The following CTNNA2 variants were observed in gnomAD, a reference collection of about 807,000 sequenced individuals.
CTNNA2 encodes the protein catenin alpha-2.
In CTNNA2, 42 loss-of-function variants were observed where a neutral mutation model predicts 101.0. The observed-to-expected ratio is 0.42, with a 90% CI of 0.32 to 0.54. The LOEUF (loss-of-function observed/expected upper bound fraction) is 0.54, where lower values mean the gene tolerates loss of function less well. Among genes scored for constraint, CTNNA2 ranks in the 20% least tolerant of loss-of-function variants. The pLI is 0.14. For synonymous variants in CTNNA2, 450 were observed against 456.4 expected (o/e 0.99, Z 0.18); for missense variants, 871 against 1,223.1 (o/e 0.71, Z 4.29).
At chr2:79,345,844 C>T (rs1350024855) in intron 3 of CTNNA2, among the ~76,000 whole-genome samples, 1 of 149,542 alleles carries the variant, frequency 6.7e-6, no homozygotes, top group Non-Finnish European at 1.5e-5. Context: ...AGGCGCCAGC[C>T]ATCACGCCCG....
At chr2:80,543,685 C>G (rs148061095) in intron 9 of CTNNA2, among the ~76,000 whole-genome samples, 3 of 152,266 alleles carry the variant, frequency 2.0e-5, no homozygotes, top group African/African-American at 7.2e-5. Context: ...TTCCTGATCT[C>G]CAGGCCTGTA....
intron 7 of CTNNA2, among the ~76,000 whole-genome samples, chr2:79,996,158 A>G (rs1322531273): frequency 6.6e-6 from 1 of 152,166 alleles, no homozygotes; most frequent in African/African-American, 2.4e-5. Context: ...ATAAACCTTA[A>G]AATGTTATTT....
intron 3 of CTNNA2, among the ~76,000 whole-genome samples, chr2:79,770,091 T>C (rs1043757170): frequency 3.9e-5 from 6 of 152,164 alleles, no homozygotes; most frequent in African/African-American, 1.4e-4. Flanking sequence ...TGGAGGCATT[T>C]TTGGTTGTCA....
chr2:79,945,071 C>T (rs1574376377), intron 7 of CTNNA2, among the ~76,000 whole-genome samples: 1 of 152,256 alleles, frequency 6.6e-6, no homozygotes, highest in Non-Finnish European at 1.5e-5. Flanking sequence ...GAGACAGGGT[C>T]TCATTCTGTC....
At chr2:79,747,574 A>G (rs1197086579) in intron 3 of CTNNA2, among the ~76,000 whole-genome samples, 1 of 152,308 alleles carries the variant, frequency 6.6e-6, no homozygotes, top group African/African-American at 2.4e-5. Context: ...AAACCTCTTA[A>G]GAATTCTTTT....
chr2:80,540,668 A>C (rs2149616913), intron 9 of CTNNA2, among the ~76,000 whole-genome samples: 1 of 151,088 alleles, frequency 6.6e-6, no homozygotes, highest in Middle Eastern at 3.5e-3. Flanking sequence ...TTTGAGGTTG[A>C]GGTGTTAGCT....
intron 7 of CTNNA2, among the ~76,000 whole-genome samples, chr2:80,250,182 GGAGAGAGAGAGA>G (rs67176913): frequency 7.0e-6 from 1 of 142,038 alleles, no homozygotes; most frequent in African/African-American, 2.7e-5. Flanking sequence ...ATGGATGGGG[GGAGAGAGAGAGA>G]GAGAGAGAGA....
At chr2:79,758,309 A>T (rs1672535419) in intron 3 of CTNNA2, among the ~76,000 whole-genome samples, 1 of 152,178 alleles carries the variant, frequency 6.6e-6, no homozygotes, top group Admixed American at 6.5e-5. Flanking sequence ...TGATTCACTG[A>T]TGTGTTCTAA....
At chr2:79,399,272 T>G (rs2104479173) in intron 4 of CTNNA2, among the ~76,000 whole-genome samples, 1 of 152,222 alleles carries the variant, frequency 6.6e-6, no homozygotes, top group East Asian at 1.9e-4. Flanking sequence ...TTTGCAAAGC[T>G]TTCACATATT....
At position 80,100,569 on chromosome 2, in the gene CTNNA2, T is replaced by C. The variant is rs1290115704; in HGVS notation, c.1056+190772T>C. Among the ~76,000 whole-genome samples the C allele has an allele frequency of 3.3e-5, 5 of 152,212 alleles. No homozygotes were observed. In the South Asian group the frequency reaches 6.2e-4, roughly 19 times the overall value. ...TCTGAAATCCTCCTAGTCAATGTCA[T>C]GAGACTACTCTTGAACTTTGTGAGT... On this transcript the variant is annotated intron_variant, in intron 7 of 18. Coordinates refer to ENST00000402739, the MANE Select transcript of CTNNA2 (RefSeq NM_001282597.3).
At chr2:79,753,156 T>C (rs113917971) in intron 3 of CTNNA2, among the ~76,000 whole-genome samples, 201 of 149,932 alleles carry the variant, frequency 1.3e-3, no homozygotes, top group African/African-American at 4.1e-3. Context: ...AGGGATTTAA[T>C]TTACTGAATA....
chr2:79,276,533 T>C lies in CTNNA2; in HGVS notation c.-405-36176T>C, dbSNP rs549129729. ...TACCTGAAGTCTATTTTGTCTGATA[T>C]TGATATTGCCAACCTGGCTTTCTTT... On this transcript the variant is annotated intron_variant, in intron 2 of 21. Transcript: ENST00000466387. Among the ~76,000 whole-genome samples, 3 of 152,236 alleles carry C rather than the reference T, an allele frequency of 2.0e-5. No individual in the cohort carries two copies. The East Asian group carries it at 5.8e-4, about 29-fold the overall frequency.
At chr2:80,324,064 G>A (rs1678993764) in intron 7 of CTNNA2, among the ~76,000 whole-genome samples, 1 of 152,090 alleles carries the variant, frequency 6.6e-6, no homozygotes, top group Admixed American at 6.5e-5. Context: ...TAACCTCTCT[G>A]AATTAATCCT....
At chr2:79,610,815 G>A (rs760368789) in intron 1 of CTNNA2, among the ~76,000 whole-genome samples, 5 of 152,000 alleles carry the variant, frequency 3.3e-5, no homozygotes, top group Non-Finnish European at 5.9e-5. Flanking sequence ...CTCATGTTCC[G>A]CAAATTATCA....
rs1694857351 is a variant in CTNNA2, at chr2:80,574,317, A to ATG, written c.1893+6_1893+7dup. ...GAAAGGCTGTGCTGATGATCAGGGT[A>ATG]TGTGAGGCCTCTGTAGCTCAGAGCT... On this transcript the variant is annotated splice_donor_region_variant and intron_variant, in intron 13 of 18. Transcript: ENST00000402739. 5.0e-6 allele frequency: 8 copies of ATG among 1,607,702 alleles called. No individual in the cohort carries two copies. Among genetic ancestry groups the ATG allele is most frequent in the Non-Finnish European group, 6.8e-6 (8 of 1,175,102 alleles).
chr2:79,459,825 C>A (rs1670859458), intron 4 of CTNNA2, among the ~76,000 whole-genome samples: 1 of 152,148 alleles, frequency 6.6e-6, no homozygotes. Context: ...CTTCTTGGTT[C>A]TTTGCAAATA....
intron 7 of CTNNA2, among the ~76,000 whole-genome samples, chr2:79,911,535 A>G (rs1685799754): frequency 6.6e-6 from 1 of 152,230 alleles, no homozygotes; most frequent in Non-Finnish European, 1.5e-5. Context: ...TTTTTCTTTC[A>G]GTGTAATCTC....
chr2:79,934,431 G>A (rs907955861), intron 7 of CTNNA2, among the ~76,000 whole-genome samples: 1 of 152,232 alleles, frequency 6.6e-6, no homozygotes, highest in African/African-American at 2.4e-5. Context: ...ATTGTTGAGT[G>A]GTTGTTCCCA....
intron 9 of CTNNA2, among the ~76,000 whole-genome samples, chr2:80,449,542 A>G (rs2149453854): frequency 6.6e-6 from 1 of 152,272 alleles, no homozygotes; most frequent in Admixed American, 6.5e-5. Flanking sequence ...TCCTCTTGGT[A>G]CATGTTAAAA....
Sources: gnomAD v4.1 joint callset for allele counts (sites outside exome capture counted in the v4.1 genomes callset) on GRCh38, gnomAD v4.1.1 for gene constraint, MANE v1.5 for transcripts, NCBI Gene and HGNC (gene_info 2026-07-23, HGNC 2026-07-21) for gene names.